PLCB4: variants seen among roughly 807,000 people sequenced by gnomAD.
PLCB4 encodes the protein 1-phosphatidylinositol 4,5-bisphosphate phosphodiesterase beta-4.
Under a neutral mutation model 178.8 loss-of-function variants are expected in PLCB4, and 77 were observed. The observed-to-expected ratio is 0.43, with a 90% CI of 0.36 to 0.52. The LOEUF is 0.52. Ranked by LOEUF, PLCB4 falls within the 20% of genes least tolerant of loss-of-function variation. The pLI is 0.00. For missense variants in PLCB4, 1,024 were observed against 1,453.4 expected, an observed-to-expected ratio of 0.70 and a Z score of 4.80; for synonymous variants, 496 against 490.8, an observed-to-expected ratio of 1.01 and a Z score of -0.14.
At chr20:9,270,575 C>T (rs1176176585) in intron 3 of PLCB4, among the ~76,000 whole-genome samples, 2 of 152,074 alleles carry the variant, frequency 1.3e-5, no homozygotes, top group Non-Finnish European at 2.9e-5. Context: ...TTGAAAGAAT[C>T]ACATATTTCC....
At chr20:9,250,245 GAC>G (rs2147477349) in intron 3 of PLCB4, among the ~76,000 whole-genome samples, 1 of 152,318 alleles carries the variant, frequency 6.6e-6, no homozygotes, top group African/African-American at 2.4e-5. Context: ...GAAAGTGACG[GAC>G]ACACTCTGTG....
chr20:9,453,038 T>A (rs1440644392), intron 32 of PLCB4, among the ~76,000 whole-genome samples: 1 of 152,152 alleles, frequency 6.6e-6, no homozygotes, highest in African/African-American at 2.4e-5. Context: ...TGGGTGGAAA[T>A]ACTACAGAGA....
chr20:9,220,824 C>T (rs2147289021), intron 3 of PLCB4, among the ~76,000 whole-genome samples: 1 of 152,178 alleles, frequency 6.6e-6, no homozygotes, highest in African/African-American at 2.4e-5. Context: ...TTTTCTTGAT[C>T]TAAGATCTGT....
chr20:9,214,326 G>A (rs6086808), intron 2 of PLCB4, among the ~76,000 whole-genome samples: 2 of 151,872 alleles, frequency 1.3e-5, no homozygotes, highest in Admixed American at 6.6e-5. Flanking sequence ...ATCTTCATTC[G>A]TTTGCGTGTG....
chr20:9,406,314 C>T (rs892814670), intron 21 of PLCB4, among the ~76,000 whole-genome samples: 8 of 151,966 alleles, frequency 5.3e-5, no homozygotes, highest in Non-Finnish European at 1.2e-4. Flanking sequence ...ATGGAAGGAA[C>T]GGACATGGCC....
At chr20:9,217,090 T>C (rs893028359) in intron 2 of PLCB4, among the ~76,000 whole-genome samples, 1 of 152,258 alleles carries the variant, frequency 6.6e-6, no homozygotes, top group Non-Finnish European at 1.5e-5. Flanking sequence ...AGGTTTTAGA[T>C]AGCCTTGTTG....
At position 9,308,511 on chromosome 20, in the gene PLCB4, T is replaced by C. The variant is rs192560876; in HGVS notation, c.84+613T>C. Among the ~76,000 whole-genome samples, 273 of 152,358 alleles carry C rather than the reference T, an allele frequency of 1.8e-3. 1 individual carries two copies. Among genetic ancestry groups the C allele is most frequent in the African/African-American group, 6.2e-3 (257 of 41,586 alleles). On this transcript the variant is annotated intron_variant, in intron 4 of 39. Coordinates refer to ENST00000378473, the MANE Select transcript of PLCB4 (RefSeq NM_001377142.1). ...TGTAAATGCATGATTTTTCTTCTGT[T>C]GTACTTGAATTTGAGGTGACTTGGG...
At chr20:9,183,851 T>G (rs1485182222) in intron 2 of PLCB4, among the ~76,000 whole-genome samples, 1 of 152,210 alleles carries the variant, frequency 6.6e-6, no homozygotes, top group Non-Finnish European at 1.5e-5. Context: ...GATTAAATAT[T>G]AGTTACTTCA....
intron 3 of PLCB4, among the ~76,000 whole-genome samples, chr20:9,218,623 C>A (rs1371795398): frequency 6.6e-6 from 1 of 152,138 alleles, no homozygotes; most frequent in Non-Finnish European, 1.5e-5. Flanking sequence ...TGAGATACTT[C>A]ATTATCTTCT....
intron 3 of PLCB4, among the ~76,000 whole-genome samples, chr20:9,250,891 A>G (rs2094173608): frequency 6.6e-6 from 1 of 152,256 alleles, no homozygotes; most frequent in Non-Finnish European, 1.5e-5. Flanking sequence ...TTACTCCAGT[A>G]ATATTCTCTG....
At chr20:9,303,998 C>T (rs1367827782) in intron 3 of PLCB4, among the ~76,000 whole-genome samples, 1 of 151,966 alleles carries the variant, frequency 6.6e-6, no homozygotes, top group Non-Finnish European at 1.5e-5. Flanking sequence ...CCTTCTGCCC[C>T]CACCTAAATC....
chr20:9,420,539 G>C (rs1351037351), intron 26 of PLCB4, among the ~76,000 whole-genome samples: 2 of 151,978 alleles, frequency 1.3e-5, no homozygotes, highest in Non-Finnish European at 2.9e-5. Flanking sequence ...ATGTTGGCCA[G>C]GCTGTTCTCA....
chr20:9,319,922 A>G (rs2094940733), intron 4 of PLCB4, among the ~76,000 whole-genome samples: 1 of 152,196 alleles, frequency 6.6e-6, no homozygotes, highest in Admixed American at 6.5e-5. Context: ...AATCACTACT[A>G]CTTTGAGCAC....
At chr20:9,233,003 T>C (rs1484599608) in intron 3 of PLCB4, among the ~76,000 whole-genome samples, 3 of 152,122 alleles carry the variant, frequency 2.0e-5, no homozygotes, top group Non-Finnish European at 2.9e-5. Context: ...AGTTCCCAGA[T>C]GTCATTCATT....
chr20:9,419,991 A>C, intron 26 of PLCB4, 82 bp downstream of exon 26: 1 of 857,654 alleles, frequency 1.2e-6, no homozygotes, highest in Non-Finnish European at 1.9e-6. Context: ...TTGAATGTTA[A>C]ATTGCAAGAT....
rs535081424 is a variant in PLCB4, at chr20:9,229,874, A to AT, written c.-16+12430dup. On this transcript the variant is annotated intron_variant, in intron 3 of 39. Transcript: ENST00000378473. ...CTCCCCCTACTTCCTGCCCTCTAAC[A>AT]TTTTTTTTGAAGGTTAAAAAGGAAT... 1.5e-3 allele frequency among the ~76,000 whole-genome samples: 224 copies of AT among 151,890 alleles called. 1 individual carries two copies. The highest frequency in any genetic ancestry group is 5.0e-3 in the African/African-American group (209 of 41,424).
At chr20:9,175,627 G>A (rs2093141506) in intron 2 of PLCB4, among the ~76,000 whole-genome samples, 1 of 152,022 alleles carries the variant, frequency 6.6e-6, no homozygotes, top group Non-Finnish European at 1.5e-5. Context: ...ATAAAATTAT[G>A]GCAGTTCCAA....
At position 9,407,900 on chromosome 20, in the gene PLCB4, C is replaced by T. The variant is rs767317559; in HGVS notation, c.1648-17C>T. The T allele has an allele frequency of 6.2e-7, 1 of 1,602,866 alleles. No individual in the cohort carries two copies. The highest frequency in any genetic ancestry group is 1.7e-5 in the Admixed American group (1 of 57,176). On this transcript the variant is annotated splice_polypyrimidine_tract_variant and intron_variant, in intron 21 of 39. Transcript: ENST00000378473. The stretch of plus-strand genomic sequence containing the variant: ...CTGAAGTCATCAACTTATATGTTTT[C>T]TTCCTTGTGCTTGTAGGGCCTGGTC...
chr20:9,214,591 A>ACG (rs1251707985), intron 2 of PLCB4, among the ~76,000 whole-genome samples: 1 of 151,716 alleles, frequency 6.6e-6, no homozygotes, highest in Non-Finnish European at 1.5e-5. Context: ...ACACACACAC[A>ACG]CAGCCTCTGT....
Sources: gnomAD v4.1 joint callset for allele counts (sites outside exome capture counted in the v4.1 genomes callset) on GRCh38, gnomAD v4.1.1 for gene constraint, MANE v1.5 for transcripts, NCBI Gene and HGNC (gene_info 2026-07-23, HGNC 2026-07-21) for gene names.